Variants in DNAAF4 observed in about 807,000 individuals in gnomAD.
DNAAF4 encodes dynein axonemal assembly factor 4, also known as dynein assembly factor 4, axonemal.
DNAAF4 carries 43 observed loss-of-function variants against 51.8 expected under a neutral mutation model. That is an observed-to-expected ratio of 0.83 (90% CI 0.65 to 1.07). The LOEUF (loss-of-function observed/expected upper bound fraction) is 1.07, where lower values mean the gene tolerates loss of function less well. DNAAF4 is among the 50% of genes least tolerant of loss of function. The pLI is 0.00. For synonymous variants in DNAAF4, 194 were observed against 165.6 expected (o/e 1.17, Z -1.32); for missense variants, 581 against 493.0 (o/e 1.18, Z -1.69).
Position 55,491,269 on chromosome 15 carries a change from G to T in DNAAF4, c.272-13C>A, listed in dbSNP as rs1304502831. The T allele has an allele frequency of 6.3e-7, 1 of 1,599,738 alleles. No homozygotes were observed. Among genetic ancestry groups the T allele is most frequent in the Non-Finnish European group, 8.5e-7 (1 of 1,173,186 alleles). The stretch of plus-strand genomic sequence containing the variant: ...ATCTCTTTGTCAACTAAAATGTACA[G>T]AATATTGCTAAATTAGAATTATGAC... On this transcript the variant is annotated splice_polypyrimidine_tract_variant and intron_variant, in intron 3 of 9. Transcript: ENST00000321149.
At chr15:55,482,824 C>A (rs2058430969) in intron 4 of DNAAF4, among the ~76,000 whole-genome samples, 1 of 152,082 alleles carries the variant, frequency 6.6e-6, no homozygotes, top group Non-Finnish European at 1.5e-5. Flanking sequence ...AATGTGGTGC[C>A]ATCCATACTA....
At chr15:55,422,037 T>G (rs2057393009) in intron 7 of DNAAF4, among the ~76,000 whole-genome samples, 1 of 151,582 alleles carries the variant, frequency 6.6e-6, no homozygotes, top group Admixed American at 6.6e-5. Flanking sequence ...CCAAAAAGCA[T>G]GTATAAATAC....
At chr15:55,490,614 A>C (rs934732947) in intron 4 of DNAAF4, among the ~76,000 whole-genome samples, 2 of 152,204 alleles carry the variant, frequency 1.3e-5, no homozygotes, top group Non-Finnish European at 2.9e-5. Flanking sequence ...CCTCTCCCTG[A>C]AACAACTGTC....
intron 4 of DNAAF4, among the ~76,000 whole-genome samples, chr15:55,469,701 A>G (rs1443218860): frequency 6.6e-6 from 1 of 151,672 alleles, no homozygotes; most frequent in Non-Finnish European, 1.5e-5. Flanking sequence ...TGTGTTAGCC[A>G]GGATGGTCTC....
intron 3 of DNAAF4, among the ~76,000 whole-genome samples, chr15:55,496,297 T>C (rs1245502267): frequency 6.6e-6 from 1 of 152,188 alleles, no homozygotes; most frequent in Non-Finnish European, 1.5e-5. Context: ...TGGAAAGCTT[T>C]TCAAAACTTC....
chr15:55,441,995 C>T (rs1406290083), intron 6 of DNAAF4, among the ~76,000 whole-genome samples: 1 of 152,148 alleles, frequency 6.6e-6, no homozygotes, highest in African/African-American at 2.4e-5. Context: ...TCTTCCCTGC[C>T]ATGTATTTAT....
intron 1 of DNAAF4, among the ~76,000 whole-genome samples, chr15:55,501,724 T>A (rs2058700351): frequency 6.6e-6 from 1 of 150,710 alleles, no homozygotes; most frequent in Non-Finnish European, 1.5e-5. Context: ...AGGCAAAAAA[T>A]TAAAAACGAA....
intron 3 of DNAAF4, among the ~76,000 whole-genome samples, chr15:55,495,397 CCT>C (rs1031494899): frequency 6.8e-6 from 1 of 146,768 alleles, no homozygotes; most frequent in Non-Finnish European, 1.5e-5. Context: ...CTCTTTCTAC[CCT>C]CAAGAGTCCA....
intron 4 of DNAAF4, 111 bp downstream of exon 4, chr15:55,491,012 C>G: frequency 7.5e-7 from 1 of 1,338,258 alleles, no homozygotes; most frequent in Admixed American, 2.1e-5. Context: ...AGTAAGTCCT[C>G]TAAACAAAGT....
At position 55,503,447 on chromosome 15, in the gene DNAAF4, C is replaced by G. The variant is rs1271877428; in HGVS notation, c.-256+4675G>C. ...TTATGAGCCAGCATCATCCTGATAC[C>G]AAAGCCTGGCAGAAACACAACAAAA... On this transcript the variant is annotated intron_variant, in intron 1 of 9. Transcript: ENST00000321149. 2.0e-5 allele frequency among the ~76,000 whole-genome samples: 3 copies of G among 152,086 alleles called. No individual in the cohort carries two copies. In the East Asian group the frequency reaches 5.8e-4, roughly 29 times the overall value.
chr15:55,449,078 C>A (rs1416516586), intron 6 of DNAAF4, among the ~76,000 whole-genome samples: 1 of 150,336 alleles, frequency 6.7e-6, no homozygotes, highest in African/African-American at 2.4e-5. Flanking sequence ...CAACCTCTGA[C>A]CCCCGGGTTC....
chr15:55,490,682 G>A (rs538558567), intron 4 of DNAAF4, among the ~76,000 whole-genome samples: 2 of 152,200 alleles, frequency 1.3e-5, no homozygotes, highest in East Asian at 1.9e-4. Flanking sequence ...GGCCGGGCAC[G>A]GTGGCTCACG....
chr15:55,505,630 T>C (rs1228254903), intron 1 of DNAAF4, among the ~76,000 whole-genome samples: 1 of 152,052 alleles, frequency 6.6e-6, no homozygotes, highest in Non-Finnish European at 1.5e-5. Context: ...CATGGATGAA[T>C]CTGGAAACCA....
At chr15:55,432,369 C>A in intron 9 of DNAAF4, 128 bp downstream of exon 9, 1 of 620,122 alleles carries the variant, frequency 1.6e-6, no homozygotes, top group South Asian at 2.7e-5. Flanking sequence ...GCAGACATTA[C>A]TAAGAATAAA....
intron 8 of DNAAF4, 130 bp downstream of exon 8, chr15:55,434,775 C>G: frequency 1.2e-6 from 1 of 864,458 alleles, no homozygotes; most frequent in Non-Finnish European, 1.6e-6. Flanking sequence ...AAAAAAGATT[C>G]AATAAGAAAG....
chr15:55,484,986 C>G lies in DNAAF4; in HGVS notation c.405+6137G>C, dbSNP rs145687137. On this transcript the variant is annotated intron_variant, in intron 4 of 9. Coordinates refer to ENST00000321149, the MANE Select transcript of DNAAF4 (RefSeq NM_130810.4). ...TCCTTTGGCAACACCCTCGCAGACACACCCAGGATCAATACTTTGCATCCT... is the reference window on the plus strand; with the variant it reads ...TCCTTTGGCAACACCCTCGCAGACAGACCCAGGATCAATACTTTGCATCCT... Among the ~76,000 whole-genome samples the G allele has an allele frequency of 4.1e-3, 623 of 152,304 alleles. 6 individuals carry two copies. Among genetic ancestry groups the G allele is most frequent in the African/African-American group, 0.014 (585 of 41,564 alleles).
In DNAAF4 at chr15:55,432,855, C is replaced by T. The variant is rs186769102; in HGVS notation, c.1048-253G>A. ...GTCCTAGCTACTTGGGAGGCTGAGG[C>T]GGGAGAATTGCTTGAACCAGGGAGG... On this transcript the variant is annotated intron_variant, in intron 8 of 9. Transcript: ENST00000321149. 4.2e-3 allele frequency among the ~76,000 whole-genome samples: 635 copies of T among 151,736 alleles called. 7 individuals are homozygous for T. Among genetic ancestry groups the T allele is most frequent in the African/African-American group, 0.014 (588 of 41,374 alleles).
chr15:55,493,461 T>C (rs1439869951), intron 3 of DNAAF4, among the ~76,000 whole-genome samples: 4 of 152,264 alleles, frequency 2.6e-5, no homozygotes, highest in Middle Eastern at 6.8e-3. Flanking sequence ...AACAGGAAGG[T>C]AGACAGCTAA....
At chr15:55,433,908 ATATAAT>A (rs1567000422) in intron 8 of DNAAF4, among the ~76,000 whole-genome samples, 2 of 6,154 alleles carry the variant, frequency 3.2e-4, no homozygotes, top group Admixed American at 3.4e-3. Context: ...TATATATTAT[ATATAAT>A]TATATATATT....
Sources: allele counts gnomAD v4.1 joint callset (sites outside exome capture counted in the v4.1 genomes callset), GRCh38; gene constraint gnomAD v4.1.1; transcripts MANE v1.5; gene names NCBI Gene and HGNC (gene_info 2026-07-23, HGNC 2026-07-21).